The following KLHL14 variants were observed in gnomAD, a reference collection of about 807,000 sequenced individuals.
The protein encoded by KLHL14 is kelch like family member 14, also known as kelch-like protein 14.
In KLHL14, 22 loss-of-function variants were observed where a neutral mutation model predicts 64.3. The observed-to-expected ratio is 0.34, with a 90% CI of 0.24 to 0.49. The LOEUF is 0.49. KLHL14 is among the 20% of genes least tolerant of loss of function. The pLI is 0.99. For synonymous variants in KLHL14, 322 were observed against 333.4 expected (o/e 0.97, Z 0.37); for missense variants, 661 against 789.0 (o/e 0.84, Z 1.94).
At chr18:32,769,606 A>ACCC in intron 2 of KLHL14, 39 bp downstream of exon 2, 2 of 342,922 alleles carry the variant, frequency 5.8e-6, no homozygotes, top group Non-Finnish European at 8.6e-6. Context: ...CTCTGGCTCT[A>ACCC]CCCCCCCCTC....
intron 3 of KLHL14, among the ~76,000 whole-genome samples, chr18:32,698,609 A>G (rs1303898592): frequency 1.3e-5 from 2 of 152,200 alleles, no homozygotes; most frequent in Non-Finnish European, 2.9e-5. Context: ...TAAAAAGGTC[A>G]CTTTACTCAG....
intron 3 of KLHL14, among the ~76,000 whole-genome samples, chr18:32,696,794 T>G (rs2049939000): frequency 1.3e-5 from 2 of 152,180 alleles, no homozygotes; most frequent in African/African-American, 4.8e-5. Flanking sequence ...TCAGAAAGCA[T>G]TTACGCTGGC....
intron 2 of KLHL14, among the ~76,000 whole-genome samples, chr18:32,765,127 A>G (rs565453396): frequency 6.7e-4 from 102 of 152,316 alleles, no homozygotes; most frequent in African/African-American, 2.3e-3. Context: ...TTTTATCTAT[A>G]TGAGGCTAAT....
chr18:32,751,782 T>C (rs1555665927), intron 2 of KLHL14, among the ~76,000 whole-genome samples: 1 of 152,200 alleles, frequency 6.6e-6, no homozygotes, highest in Non-Finnish European at 1.5e-5. Flanking sequence ...ACTTACTACA[T>C]AGTAGGTGCT....
rs549300563 is a variant in KLHL14, at chr18:32,771,870, C to G, written c.-44+797G>C. On this transcript the variant is annotated intron_variant, in intron 1 of 8. Coordinates refer to ENST00000359358, the MANE Select transcript of KLHL14 (RefSeq NM_020805.3). ...CCAGCATCGTCGCCTGCAGCCGCAGCTCCCTTCTGACCCCCTCGGTAGAGC... is the reference window on the plus strand; with the variant it reads ...CCAGCATCGTCGCCTGCAGCCGCAGGTCCCTTCTGACCCCCTCGGTAGAGC... Among the ~76,000 whole-genome samples, 5 of 152,118 alleles carry G rather than the reference C, an allele frequency of 3.3e-5. No homozygotes were observed. In the South Asian group the frequency reaches 1.0e-3, roughly 32 times the overall value.
At chr18:32,701,280 T>A (rs2049965091) in intron 3 of KLHL14, among the ~76,000 whole-genome samples, 1 of 152,058 alleles carries the variant, frequency 6.6e-6, no homozygotes, top group Non-Finnish European at 1.5e-5. Flanking sequence ...CCTTATATGA[T>A]AGAGAGGATG....
intron 2 of KLHL14, among the ~76,000 whole-genome samples, chr18:32,763,812 G>A (rs1021156110): frequency 7.2e-5 from 11 of 152,100 alleles, no homozygotes; most frequent in South Asian, 4.1e-4. Flanking sequence ...AATTTACAAC[G>A]AACTCACATT....
At chr18:32,754,979 C>A (rs1174266006) in intron 2 of KLHL14, among the ~76,000 whole-genome samples, 3 of 105,450 alleles carry the variant, frequency 2.8e-5, no homozygotes, top group African/African-American at 1.1e-4. Flanking sequence ...GGGAGGGAGG[C>A]AGGCCCTGGC....
At chr18:32,737,803 A>G (rs1221114697) in intron 3 of KLHL14, 1 of 152,132 alleles carries the variant, frequency 6.6e-6, no homozygotes, top group Non-Finnish European at 1.5e-5. Flanking sequence ...TTCCACTACA[A>G]AGAGAAAAGA....
At chr18:32,722,111 G>A (rs1038020253) in intron 3 of KLHL14, among the ~76,000 whole-genome samples, 4 of 152,146 alleles carry the variant, frequency 2.6e-5, no homozygotes, top group African/African-American at 7.2e-5. Context: ...CATATAAAAC[G>A]TGACTTGCTC....
chr18:32,706,692 C>G (rs1040776534), intron 3 of KLHL14, among the ~76,000 whole-genome samples: 1 of 151,942 alleles, frequency 6.6e-6, no homozygotes, highest in African/African-American at 2.4e-5. Flanking sequence ...TCTATATATA[C>G]AAAGATGTAG....
intron 3 of KLHL14, among the ~76,000 whole-genome samples, chr18:32,700,758 T>G (rs2049962253): frequency 6.6e-6 from 1 of 152,078 alleles, no homozygotes; most frequent in South Asian, 2.1e-4. Flanking sequence ...AGCTCTTTTG[T>G]TTCAAATGAT....
At chr18:32,702,899 A>G (rs1234100797) in intron 3 of KLHL14, among the ~76,000 whole-genome samples, 1 of 152,212 alleles carries the variant, frequency 6.6e-6, no homozygotes, top group Non-Finnish European at 1.5e-5. Flanking sequence ...TTTAAGGTGT[A>G]TAAATCTAAA....
intron 3 of KLHL14, among the ~76,000 whole-genome samples, chr18:32,718,385 C>T (rs1048726372): frequency 8.5e-5 from 13 of 152,268 alleles, no homozygotes; most frequent in Admixed American, 2.6e-4. Flanking sequence ...GAATCCATCA[C>T]ATTTGTATGT....
chr18:32,741,221 A>C (rs968932042), intron 3 of KLHL14, among the ~76,000 whole-genome samples: 16 of 152,210 alleles, frequency 1.1e-4, no homozygotes, highest in African/African-American at 3.9e-4. Context: ...TGCTGCACTC[A>C]AGAAACGATG....
At chr18:32,714,905 G>A (rs765328029) in intron 3 of KLHL14, among the ~76,000 whole-genome samples, 29 of 143,194 alleles carry the variant, frequency 2.0e-4, no homozygotes, top group Non-Finnish European at 3.7e-4. Context: ...TTTTTCTTTT[G>A]ATGCAGATTA....
intron 2 of KLHL14, among the ~76,000 whole-genome samples, chr18:32,768,390 GACAC>G (rs10567081): frequency 0.28 from 40,157 of 141,452 alleles, 5,876 homozygotes; most frequent in Middle Eastern, 0.38. Flanking sequence ...GAAACATAAT[GACAC>G]ACACACACAC....
Position 32,683,587 on chromosome 18 carries a change from G to GA in KLHL14, c.1239-2989dup, listed in dbSNP as rs1436636712. ...AAGATTATTAAAGATTTCTTATTGGGATTACACTGTTTCTGTTTCAAATTG... is the reference window on the plus strand; with the variant it reads ...AAGATTATTAAAGATTTCTTATTGGGAATTACACTGTTTCTGTTTCAAATTG... On this transcript the variant is annotated intron_variant, in intron 5 of 8. Transcript: ENST00000359358. This position sits in a 1 kb window ranked among gnomAD's most constrained non-coding sequence, Gnocchi z 4.2. 1.4e-4 allele frequency among the ~76,000 whole-genome samples: 21 copies of GA among 152,136 alleles called. No individual in the cohort carries two copies. The highest frequency in any genetic ancestry group is 4.4e-5 in the Non-Finnish European group (3 of 68,026).
At chr18:32,753,926 C>A (rs1369404062) in intron 2 of KLHL14, among the ~76,000 whole-genome samples, 1 of 152,240 alleles carries the variant, frequency 6.6e-6, no homozygotes, top group Non-Finnish European at 1.5e-5. Flanking sequence ...AATAGCATCT[C>A]ATTAATCCTC....
Sources: gnomAD v4.1 joint callset for allele counts (sites outside exome capture counted in the v4.1 genomes callset) on GRCh38, gnomAD v4.1.1 for gene constraint, Gnocchi (gnomAD v3.1) non-coding constraint, MANE v1.5 for transcripts, NCBI Gene and HGNC (gene_info 2026-07-23, HGNC 2026-07-21) for gene names.